The following XXYLT1 variants were observed in gnomAD, a reference collection of about 807,000 sequenced individuals.
The protein encoded by XXYLT1 is xyloside xylosyltransferase 1.
XXYLT1 carries 20 observed loss-of-function variants against 28.9 expected under a neutral mutation model. That is an observed-to-expected ratio of 0.69 (90% CI 0.49 to 1.00). The LOEUF (loss-of-function observed/expected upper bound fraction) is 1.00. XXYLT1 is among the 50% of genes least tolerant of loss of function. The pLI is 0.00. For missense variants in XXYLT1, 542 were observed against 560.1 expected (o/e 0.97, Z 0.33); for synonymous variants, 257 against 253.8 (o/e 1.01, Z -0.12).
intron 3 of XXYLT1, among the ~76,000 whole-genome samples, chr3:195,143,775 G>T (rs1719610484): frequency 8.4e-6 from 1 of 118,916 alleles, no homozygotes; most frequent in Non-Finnish European, 1.7e-5. Flanking sequence ...CTAACCAAAT[G>T]TTCTCTCATT....
At chr3:195,221,744 G>A (rs1185019641) in intron 2 of XXYLT1, among the ~76,000 whole-genome samples, 35 of 148,222 alleles carry the variant, frequency 2.4e-4, no homozygotes, top group African/African-American at 8.6e-4. Flanking sequence ...GGCAAAAAAT[G>A]TTTTTTTTTT....
intron 2 of XXYLT1, among the ~76,000 whole-genome samples, chr3:195,171,647 G>A (rs1287207129): frequency 1.3e-5 from 2 of 152,172 alleles, no homozygotes; most frequent in Non-Finnish European, 2.9e-5. Context: ...AACAAAAAGC[G>A]TGTACTGCTC....
At chr3:195,169,604 T>C (rs924997199) in intron 2 of XXYLT1, among the ~76,000 whole-genome samples, 4 of 152,164 alleles carry the variant, frequency 2.6e-5, no homozygotes, top group African/African-American at 9.7e-5. Context: ...TCAAATGTAT[T>C]CTCAGCTTAG....
chr3:195,136,794 T>C (rs924611355), intron 3 of XXYLT1, among the ~76,000 whole-genome samples: 1 of 152,106 alleles, frequency 6.6e-6, no homozygotes, highest in African/African-American at 2.4e-5. Context: ...TCAAAGGGCA[T>C]GGAGACTTCA....
intron 3 of XXYLT1, among the ~76,000 whole-genome samples, chr3:195,145,771 C>T (rs1225731802): frequency 6.6e-6 from 1 of 152,248 alleles, no homozygotes; most frequent in African/African-American, 2.4e-5. Flanking sequence ...CAAATCACGA[C>T]ATACTACGCC....
intron 3 of XXYLT1, among the ~76,000 whole-genome samples, chr3:195,080,778 T>G (rs1467590942): frequency 6.6e-6 from 1 of 152,132 alleles, no homozygotes; most frequent in African/African-American, 2.4e-5. Context: ...TTAGACTCCA[T>G]CAATCCGCAC....
chr3:195,210,134 C>T lies in XXYLT1; in HGVS notation c.652+16575G>A, dbSNP rs936896499. Among the ~76,000 whole-genome samples the T allele has an allele frequency of 3.9e-5, 6 of 152,150 alleles. No individual in the cohort carries two copies. The highest frequency in any genetic ancestry group is 1.4e-4 in the African/African-American group (6 of 41,382). On this transcript the variant is annotated intron_variant, in intron 2 of 3. Transcript: ENST00000310380. This position sits in a 1 kb window ranked among gnomAD's most constrained non-coding sequence, Gnocchi z 4.8. ...TGCTCGGCCCCTCCCCCAGCCTTCA[C>T]CCCAAGCCTTCAAGGCTAACCTCTC... is the stretch of plus-strand genomic sequence containing the variant.
rs563779773 is a variant in XXYLT1, at chr3:195,226,860, C to T, written c.505-4G>A. On this transcript the variant is annotated splice_region_variant and splice_polypyrimidine_tract_variant and intron_variant, in intron 1 of 3. Transcript: ENST00000310380. The stretch of plus-strand genomic sequence containing the variant: ...CAGCAACATCGTGGAAGATGACCTG[C>T]AGCAGGTGCAAAAAAAACCAAGGCT... 5 of 1,611,990 alleles carry T rather than the reference C, an allele frequency of 3.1e-6. No individual in the cohort carries two copies. In the Admixed American group the frequency reaches 8.4e-5, roughly 27 times the overall value.
intron 3 of XXYLT1, among the ~76,000 whole-genome samples, chr3:195,126,387 A>ATCAT (rs1312115399): frequency 6.6e-6 from 1 of 152,354 alleles, no homozygotes; most frequent in South Asian, 2.1e-4. Context: ...TCATTCTGTG[A>ATCAT]TCATTCATTC....
At chr3:195,136,267 C>G (rs1719193581) in intron 3 of XXYLT1, among the ~76,000 whole-genome samples, 2 of 152,116 alleles carry the variant, frequency 1.3e-5, no homozygotes, top group African/African-American at 4.8e-5. Context: ...CCTCAGTGCT[C>G]CTATAGGTTT....
At chr3:195,143,837 G>A (rs28600103) in intron 3 of XXYLT1, among the ~76,000 whole-genome samples, 1 of 70,416 alleles carries the variant, frequency 1.4e-5, no homozygotes, top group Admixed American at 1.5e-4. Context: ...TATAGATATA[G>A]ATATAGATAT....
At chr3:195,254,102 C>A (rs11917438) in intron 1 of XXYLT1, among the ~76,000 whole-genome samples, 1 of 152,110 alleles carries the variant, frequency 6.6e-6, no homozygotes, top group African/African-American at 2.4e-5. Context: ...CCCCAAAGAC[C>A]CCCATAAATC....
chr3:195,161,994 C>G (rs1253507028), intron 2 of XXYLT1, among the ~76,000 whole-genome samples: 2 of 151,478 alleles, frequency 1.3e-5, no homozygotes, highest in South Asian at 2.1e-4. Flanking sequence ...AAGACTGAGG[C>G]AGGAGGATCA....
rs550397965 is a variant in XXYLT1, at chr3:195,252,440, A to G, written c.504+18115T>C. On this transcript the variant is annotated intron_variant, in intron 1 of 3. Coordinates refer to ENST00000310380, the MANE Select transcript of XXYLT1 (RefSeq NM_152531.5). The stretch of plus-strand genomic sequence containing the variant: ...TGTTTTCATTTTTCTGTTTTGGCTT[A>G]TTTTAGAATTAAAATTTTTTAACAT... Among the ~76,000 whole-genome samples, 9 of 152,326 alleles carry G rather than the reference A, an allele frequency of 5.9e-5. No individual in the cohort carries two copies. The East Asian group carries it at 1.7e-3, about 29-fold the overall frequency.
At chr3:195,232,406 T>A (rs1265576055) in intron 1 of XXYLT1, among the ~76,000 whole-genome samples, 2 of 152,162 alleles carry the variant, frequency 1.3e-5, no homozygotes, top group Non-Finnish European at 2.9e-5. Context: ...TAATTTTTAT[T>A]ACTTCTTTTC....
chr3:195,208,959 T>C (rs961539446), intron 2 of XXYLT1, among the ~76,000 whole-genome samples: 1 of 152,208 alleles, frequency 6.6e-6, no homozygotes, highest in Non-Finnish European at 1.5e-5. Context: ...ATTCTCCAAA[T>C]TTCACAGGTC....
intron 3 of XXYLT1, among the ~76,000 whole-genome samples, chr3:195,099,830 CAAAAAAAAAA>C (rs35428286): frequency 2.1e-5 from 2 of 97,222 alleles, no homozygotes; most frequent in East Asian, 5.7e-4. Flanking sequence ...GACTCTGTCT[CAAAAAAAAAA>C]AAAAAAAAAA....
At chr3:195,070,878 CTTCAAG>C (rs1036941786) in intron 3 of XXYLT1, among the ~76,000 whole-genome samples, 1 of 152,190 alleles carries the variant, frequency 6.6e-6, no homozygotes, top group Non-Finnish European at 1.5e-5. Context: ...AGGAATGTCA[CTTCAAG>C]TTCAATTTTT....
Position 195,256,920 on chromosome 3 carries a change from A to C in XXYLT1, c.504+13635T>G, listed in dbSNP as rs1725499929. On this transcript the variant is annotated intron_variant, in intron 1 of 3. Transcript: ENST00000310380. This position sits in a 1 kb window ranked among gnomAD's most constrained non-coding sequence, Gnocchi z 4.2. ...GCAACCTTCCCAGGGCTCTCAGGTA[A>C]GGGAGACAAGTGAAGCCCCTTGTAC... is the stretch of plus-strand genomic sequence containing the variant. Among the ~76,000 whole-genome samples the C allele has an allele frequency of 6.6e-6, 1 of 152,178 alleles. No individual in the cohort carries two copies. Among genetic ancestry groups the C allele is most frequent in the South Asian group, 2.1e-4 (1 of 4,834 alleles).
Sources: allele counts gnomAD v4.1 joint callset (sites outside exome capture counted in the v4.1 genomes callset), GRCh38; gene constraint gnomAD v4.1.1; non-coding constraint Gnocchi (gnomAD v3.1); transcripts MANE v1.5; gene names NCBI Gene and HGNC (gene_info 2026-07-23, HGNC 2026-07-21).